Variants in SH3RF3 observed in about 807,000 individuals in gnomAD.
SH3RF3 encodes the protein SH3 domain containing ring finger 3, also known as E3 ubiquitin-protein ligase SH3RF3.
SH3RF3 carries 29 observed loss-of-function variants against 66.3 expected under a neutral mutation model. That is an observed-to-expected ratio of 0.44 (90% confidence interval 0.33 to 0.60). SH3RF3 has a LOEUF of 0.60. Among genes scored for constraint, SH3RF3 ranks in the 20% least tolerant of loss-of-function variants. SH3RF3 has a pLI of 0.04. For missense variants in SH3RF3, 1,194 were observed against 1,190.9 expected (o/e 1.00, Z -0.04); for synonymous variants, 583 against 532.0 (o/e 1.10, Z -1.32).
intron 1 of SH3RF3, among the ~76,000 whole-genome samples, chr2:109,207,219 A>T (rs992184181): frequency 6.6e-6 from 1 of 152,192 alleles, no homozygotes; most frequent in Non-Finnish European, 1.5e-5. Context: ...TGTTTACAGC[A>T]GTTCATTTTT....
At chr2:109,466,230 G>T (rs1323935025) in intron 8 of SH3RF3, among the ~76,000 whole-genome samples, 1 of 151,766 alleles carries the variant, frequency 6.6e-6, no homozygotes, top group East Asian at 1.9e-4. Context: ...CTACAGGCGC[G>T]TGCCACCACA....
chr2:109,382,591 A>C (rs1451431883), intron 3 of SH3RF3, among the ~76,000 whole-genome samples: 1 of 152,146 alleles, frequency 6.6e-6, no homozygotes, highest in Non-Finnish European at 1.5e-5. Context: ...AGAGCACCCC[A>C]GTCGTCTCCA....
At chr2:109,214,967 TC>T (rs1230078653) in intron 1 of SH3RF3, among the ~76,000 whole-genome samples, 1 of 152,152 alleles carries the variant, frequency 6.6e-6, no homozygotes, top group Non-Finnish European at 1.5e-5. Flanking sequence ...AAGGGGCACG[TC>T]GCTGAGCTCA....
chr2:109,241,684 C>A (rs1574523562), intron 1 of SH3RF3, among the ~76,000 whole-genome samples: 1 of 152,130 alleles, frequency 6.6e-6, no homozygotes, highest in African/African-American at 2.4e-5. Context: ...TTCTCTCCCC[C>A]AGTCCCTGCA....
intron 2 of SH3RF3, among the ~76,000 whole-genome samples, chr2:109,366,482 A>G (rs1255259393): frequency 6.8e-6 from 1 of 147,458 alleles, no homozygotes; most frequent in East Asian, 1.9e-4. Context: ...GTATGTGTGC[A>G]TATATACGTT....
At chr2:109,339,402 C>T (rs544251499) in intron 1 of SH3RF3, among the ~76,000 whole-genome samples, 14 of 152,156 alleles carry the variant, frequency 9.2e-5, no homozygotes, top group Non-Finnish European at 1.6e-4. Flanking sequence ...TAGTCCCCTC[C>T]TTCTCTTCCC....
chr2:109,423,139 G>A (rs1676927858), intron 5 of SH3RF3, among the ~76,000 whole-genome samples: 1 of 152,128 alleles, frequency 6.6e-6, no homozygotes, highest in Admixed American at 6.5e-5. Context: ...CACCCAGATG[G>A]CACCTGAGGG....
chr2:109,337,266 G>A (rs937252766), intron 1 of SH3RF3, among the ~76,000 whole-genome samples: 2 of 152,180 alleles, frequency 1.3e-5, no homozygotes, highest in Non-Finnish European at 2.9e-5. Flanking sequence ...GGCTCCCTTG[G>A]TCCTGGGACC....
At chr2:109,391,195 AT>A (rs1440279381) in intron 3 of SH3RF3, among the ~76,000 whole-genome samples, 16 of 152,220 alleles carry the variant, frequency 1.1e-4, no homozygotes, top group African/African-American at 3.9e-4. Flanking sequence ...TTAGGCAGCC[AT>A]TTGTGCAGTG....
intron 1 of SH3RF3, among the ~76,000 whole-genome samples, chr2:109,288,624 CA>C (rs1681093367): frequency 6.6e-6 from 1 of 152,192 alleles, no homozygotes; most frequent in African/African-American, 2.4e-5. Context: ...TTTTGCAAGG[CA>C]AGTCATTGTC....
intron 1 of SH3RF3, among the ~76,000 whole-genome samples, chr2:109,214,245 G>A (rs143340648): frequency 7.2e-5 from 11 of 152,306 alleles, no homozygotes; most frequent in African/African-American, 2.6e-4. Context: ...AAAACCACAA[G>A]AGATAAGATC....
chr2:109,199,627 T>TCAACCCGAGTGCA (rs1574499886), intron 1 of SH3RF3, among the ~76,000 whole-genome samples: 2 of 94 alleles, frequency 0.021, no homozygotes, highest in Admixed American at 0.14. Flanking sequence ...TGGAATGGAA[T>TCAACCCGAGTGCA]GGAATGGAAT....
chr2:109,167,937 G>A (rs762574917), intron 1 of SH3RF3, among the ~76,000 whole-genome samples: 9 of 152,128 alleles, frequency 5.9e-5, no homozygotes, highest in African/African-American at 1.7e-4. Flanking sequence ...TGTGTTTATT[G>A]TTGTATCTTT....
intron 1 of SH3RF3, among the ~76,000 whole-genome samples, chr2:109,147,919 C>T (rs1677137186): frequency 6.6e-6 from 1 of 152,210 alleles, no homozygotes; most frequent in African/African-American, 2.4e-5. Flanking sequence ...ATTGGCAGTT[C>T]ATCTCTTTAA....
chr2:109,420,282 C>CA (rs969704251), intron 5 of SH3RF3, among the ~76,000 whole-genome samples: 4 of 152,172 alleles, frequency 2.6e-5, no homozygotes, highest in African/African-American at 9.7e-5. Context: ...TGGCAGAGCT[C>CA]AGTCACTTGA....
intron 1 of SH3RF3, among the ~76,000 whole-genome samples, chr2:109,199,597 T>TCTTCC (rs1558953918): frequency 3.6e-3 from 1 of 274 alleles, no homozygotes; most frequent in Non-Finnish European, 6.8e-3. Context: ...TGGAATGGAA[T>TCTTCC]GGAATGGAAT....
chr2:109,235,089 G>A (rs961731600), intron 1 of SH3RF3, among the ~76,000 whole-genome samples: 6 of 152,214 alleles, frequency 3.9e-5, no homozygotes, highest in Non-Finnish European at 8.8e-5. Flanking sequence ...TTTAGAACCA[G>A]ACCACAGAGC....
chr2:109,401,287 G>A (rs1013634326), intron 4 of SH3RF3, among the ~76,000 whole-genome samples: 2 of 152,208 alleles, frequency 1.3e-5, no homozygotes, highest in Non-Finnish European at 2.9e-5. Flanking sequence ...AAACAAATTT[G>A]GCTCAAAGGG....
At chr2:109,454,669 G>T (rs753790732) in intron 8 of SH3RF3, among the ~76,000 whole-genome samples, 9 of 152,158 alleles carry the variant, frequency 5.9e-5, no homozygotes, top group Non-Finnish European at 1.2e-4. Flanking sequence ...GATTGGATGG[G>T]ATAAACAGAA....
Sources: allele counts gnomAD v4.1 joint callset (sites outside exome capture counted in the v4.1 genomes callset), GRCh38; gene constraint gnomAD v4.1.1; transcripts MANE v1.5; gene names NCBI Gene and HGNC (gene_info 2026-07-23, HGNC 2026-07-21).